The following PHAX variants were observed in gnomAD, a reference collection of about 807,000 sequenced individuals.
PHAX encodes phosphorylated adaptor for RNA export.
PHAX carries 31 observed loss-of-function variants against 41.6 expected under a neutral mutation model. The ratio of observed to expected loss-of-function variants is 0.75; its 90% CI spans 0.56 to 1.01. PHAX has a LOEUF of 1.01. Ranked by LOEUF, PHAX falls within the 50% of genes least tolerant of loss-of-function variation. The probability of loss-of-function intolerance (pLI) is 0.00; values close to 1 mark genes in which losing one functional copy is unlikely to be tolerated. For synonymous variants in PHAX, 175 were observed against 164.9 expected (o/e 1.06, Z -0.47); for missense variants, 453 against 472.9 (o/e 0.96, Z 0.39).
intron 1 of PHAX, among the ~76,000 whole-genome samples, chr5:126,602,110 CTAA>C (rs1751913572): frequency 6.6e-6 from 1 of 151,296 alleles, no homozygotes; most frequent in African/African-American, 2.4e-5. Context: ...CTCGCCCGGC[CTAA>C]TTTTTGTATT....
intron 4 of PHAX, 46 bp from the exon 5 acceptor site, chr5:126,624,528 TA>T (rs748992850): frequency 7.0e-7 from 1 of 1,422,128 alleles, no homozygotes; most frequent in Non-Finnish European, 9.6e-7. Context: ...AATAAACCTT[TA>T]ATAACGTGGT....
At chr5:126,611,603 T>G (rs935816684) in intron 3 of PHAX, among the ~76,000 whole-genome samples, 2 of 151,896 alleles carry the variant, frequency 1.3e-5, no homozygotes, top group Non-Finnish European at 2.9e-5. Flanking sequence ...CTGGGCAACA[T>G]GGTGAAATCC....
At chr5:126,602,537 A>G (rs1419712155) in intron 1 of PHAX, among the ~76,000 whole-genome samples, 1 of 152,258 alleles carries the variant, frequency 6.6e-6, no homozygotes, top group Non-Finnish European at 1.5e-5. Context: ...GATAGTCCCA[A>G]CTTCCATTTC....
chr5:126,626,589 T>C lies in PHAX; in HGVS notation c.*1745T>C, dbSNP rs1260309721. ...CTGTCTCTATTAAAAATACAAAAAT[T>C]AGCTGGGCGTGGTGGCGCATGCCTG... is the stretch of plus-strand genomic sequence containing the variant. On this transcript the variant is annotated 3_prime_UTR_variant, in exon 5 of 5. Transcript: ENST00000297540. 2 of 151,750 alleles carry C rather than the reference T, an allele frequency of 1.3e-5. No individual in the cohort carries two copies. The highest frequency in any genetic ancestry group is 2.9e-5 in the Non-Finnish European group (2 of 68,014). The allele number at this position is 151,750 out of a possible 1,614,324, so 9.4% of individuals were successfully genotyped here.
intron 3 of PHAX, among the ~76,000 whole-genome samples, chr5:126,616,198 T>A (rs1264305529): frequency 6.6e-6 from 1 of 152,126 alleles, no homozygotes; most frequent in Non-Finnish European, 1.5e-5. Flanking sequence ...GTTCAAGTGA[T>A]TCTCCTGCCT....
chr5:126,607,389 T>A (rs1173670567), intron 2 of PHAX, among the ~76,000 whole-genome samples: 3 of 52,878 alleles, frequency 5.7e-5, no homozygotes, highest in African/African-American at 1.7e-4. Context: ...GTCTGAATTC[T>A]TTTTTTTTTT....
intron 3 of PHAX, among the ~76,000 whole-genome samples, chr5:126,616,701 G>A (rs948502264): frequency 6.6e-6 from 1 of 151,950 alleles, no homozygotes; most frequent in Admixed American, 6.6e-5. Context: ...CCAACATGGC[G>A]AAACCCCGTT....
chr5:126,620,275 A>G (rs1460490726), intron 4 of PHAX, among the ~76,000 whole-genome samples: 1 of 152,240 alleles, frequency 6.6e-6, no homozygotes, highest in African/African-American at 2.4e-5. Context: ...GAGTGGTAGC[A>G]AAGATTATAC....
At chr5:126,610,998 T>C (rs1342838713) in intron 3 of PHAX, among the ~76,000 whole-genome samples, 2 of 151,874 alleles carry the variant, frequency 1.3e-5, no homozygotes, top group Non-Finnish European at 2.9e-5. Context: ...TGAGCCACTA[T>C]GTCCAGCCCC....
At chr5:126,608,138 CAAAT>C (rs763547141) in intron 2 of PHAX, among the ~76,000 whole-genome samples, 8 of 152,258 alleles carry the variant, frequency 5.3e-5, no homozygotes, top group Non-Finnish European at 1.0e-4. Context: ...TCCAATAAGA[CAAAT>C]AAGCCAATTA....
At position 126,603,934 on chromosome 5, in the gene PHAX, A is replaced by G; in HGVS notation, c.461A>G (p.Tyr154Cys). 1 of 1,614,164 alleles carries G rather than the reference A, an allele frequency of 6.2e-7. No homozygotes were observed. Residue 154 changes from tyrosine to cysteine, a missense_variant, in exon 2 of 5, where the codon TAT (tyrosine) becomes TGT (cysteine). Coordinates refer to ENST00000297540, the MANE Select transcript of PHAX (RefSeq NM_032177.4). The part of the protein sequence containing the change: ...DRSRQSETYN[Y>C]LLAKKLRKES... ...AGCAGACAATCCGAGACCTACAATT[A>G]TTTGCTTGCCAAGAAACTTAGGAAG...
At chr5:126,616,374 C>G (rs1050448674) in intron 3 of PHAX, among the ~76,000 whole-genome samples, 3 of 152,096 alleles carry the variant, frequency 2.0e-5, no homozygotes, top group African/African-American at 7.2e-5. Flanking sequence ...GGATTACAGG[C>G]GTGAGCAACT....
Position 126,603,763 on chromosome 5 carries a change from T to C in PHAX, c.290T>C (p.Phe97Ser). 6.2e-7 allele frequency: 1 copy of C among 1,614,126 alleles called. No homozygotes were observed. Among genetic ancestry groups the C allele is most frequent in the East Asian group, 2.2e-5 (1 of 44,886 alleles). Reference protein sequence around the residue: ...CFNPPPKPEPFQFGQSSQKPP... With the variant: ...CFNPPPKPEPSQFGQSSQKPP... ...AACCCTCCTCCCAAACCAGAGCCTTTTCAGTTTGGCCAGAGCAGTCAGAAA... is the reference window on the plus strand; with the variant it reads ...AACCCTCCTCCCAAACCAGAGCCTTCTCAGTTTGGCCAGAGCAGTCAGAAA... The change falls in exon 2 of 5, where the codon TTT (phenylalanine) becomes TCT (serine). Residue 97 changes from phenylalanine (F) to serine (S), a missense_variant. By Grantham distance (155) the Phe-to-Ser change is radical. Coordinates refer to ENST00000297540, the MANE Select transcript of PHAX (RefSeq NM_032177.4).
chr5:126,615,958 T>A (rs967152157), intron 3 of PHAX, among the ~76,000 whole-genome samples: 3 of 151,946 alleles, frequency 2.0e-5, no homozygotes, highest in Non-Finnish European at 4.4e-5. Flanking sequence ...AAATATTTGA[T>A]CCCTTTGGAA....
chr5:126,618,500 C>CTTATTCCAA (rs1342117819), intron 4 of PHAX, among the ~76,000 whole-genome samples: 3 of 152,090 alleles, frequency 2.0e-5, no homozygotes, highest in Admixed American at 2.0e-4. Flanking sequence ...ATATCTAGAC[C>CTTATTCCAA]TTATTCCAAT....
chr5:126,624,008 GTTT>G (rs543154844), intron 4 of PHAX, among the ~76,000 whole-genome samples: 3 of 130,212 alleles, frequency 2.3e-5, no homozygotes, highest in Non-Finnish European at 3.3e-5. Flanking sequence ...TTGGTTTTGG[GTTT>G]TTTTTTTTTT....
At chr5:126,604,545 G>C (rs1440647995) in intron 2 of PHAX, among the ~76,000 whole-genome samples, 1 of 152,058 alleles carries the variant, frequency 6.6e-6, no homozygotes, top group Non-Finnish European at 1.5e-5. Context: ...GATTACAGGC[G>C]TGAGCCATGG....
chr5:126,622,171 A>G (rs907151049), intron 4 of PHAX, among the ~76,000 whole-genome samples: 6 of 151,512 alleles, frequency 4.0e-5, no homozygotes, highest in Non-Finnish European at 5.9e-5. Flanking sequence ...GTCTTGCTCT[A>G]TCGCCAGGCT....
chr5:126,604,823 C>T (rs941134516), intron 2 of PHAX, among the ~76,000 whole-genome samples: 1 of 152,022 alleles, frequency 6.6e-6, no homozygotes, highest in African/African-American at 2.4e-5. Context: ...ATCATGAGGT[C>T]AGGAGTTCAA....
Sources: allele counts gnomAD v4.1 joint callset (sites outside exome capture counted in the v4.1 genomes callset), GRCh38; gene constraint gnomAD v4.1.1; transcripts MANE v1.5; gene names NCBI Gene and HGNC (gene_info 2026-07-23, HGNC 2026-07-21).